SYNPR: variants seen among roughly 807,000 people sequenced by gnomAD.
The protein encoded by SYNPR is synaptoporin.
A neutral mutation model predicts 32.9 loss-of-function variants in SYNPR; 23 were observed. That is an observed-to-expected ratio of 0.70 (90% CI 0.50 to 0.99). The LOEUF (loss-of-function observed/expected upper bound fraction) is 0.99, where lower values mean the gene tolerates loss of function less well. Ranked by LOEUF, SYNPR falls within the 50% of genes least tolerant of loss-of-function variation. SYNPR has a pLI of 0.00. For missense variants in SYNPR, 318 were observed against 349.3 expected, an observed-to-expected ratio of 0.91 and a Z score of 0.71; for synonymous variants, 146 against 135.9, an observed-to-expected ratio of 1.07 and a Z score of -0.52.
the SYNPR span, among the ~76,000 whole-genome samples, chr3:63,219,261 A>G: frequency 1.3e-5 from 2 of 152,196 alleles, no homozygotes; most frequent in Non-Finnish European, 2.9e-5. Flanking sequence ...CAATGTTGTA[A>G]GTCTGCGAGC....
At chr3:63,588,199 T>C (rs1177532002) in intron 4 of SYNPR, among the ~76,000 whole-genome samples, 2 of 152,124 alleles carry the variant, frequency 1.3e-5, no homozygotes, top group Non-Finnish European at 2.9e-5. Context: ...CGTCTTGGAA[T>C]ACACCTTCAC....
chr3:63,433,410 G>A (rs1700025570), intron 2 of SYNPR, among the ~76,000 whole-genome samples: 1 of 152,166 alleles, frequency 6.6e-6, no homozygotes, highest in South Asian at 2.1e-4. Flanking sequence ...AAAAATAGAG[G>A]CACAGCTGAA....
intron 2 of SYNPR, among the ~76,000 whole-genome samples, chr3:63,379,295 T>C (rs2087935033): frequency 6.6e-6 from 1 of 152,178 alleles, no homozygotes; most frequent in East Asian, 1.9e-4. Flanking sequence ...TATTCTGCTG[T>C]CGTTTGGTGA....
At chr3:63,418,186 T>C (rs2088565863) in intron 2 of SYNPR, among the ~76,000 whole-genome samples, 1 of 152,182 alleles carries the variant, frequency 6.6e-6, no homozygotes, top group Admixed American at 6.5e-5. Context: ...AAGTTCAAAG[T>C]TCCACAAATC....
intron 3 of SYNPR, among the ~76,000 whole-genome samples, chr3:63,272,833 C>A (rs781372965): frequency 1.3e-5 from 2 of 152,112 alleles, no homozygotes; most frequent in Non-Finnish European, 2.9e-5. Context: ...AAGCCTTCTT[C>A]CTTGGCATAC....
chr3:63,309,665 G>C (rs921806873), intron 2 of SYNPR, among the ~76,000 whole-genome samples: 2 of 151,918 alleles, frequency 1.3e-5, no homozygotes, highest in South Asian at 2.1e-4. Context: ...CCCCAGCCCT[G>C]TGTGAGCATC....
intron 3 of SYNPR, 110 bp downstream of exon 3, chr3:63,481,066 G>T: frequency 7.0e-7 from 1 of 1,431,872 alleles, no homozygotes; most frequent in East Asian, 2.4e-5. Flanking sequence ...TAAACAGAAA[G>T]TATTCTGCCT....
At chr3:63,464,227 AC>A (rs1472710543) in intron 2 of SYNPR, among the ~76,000 whole-genome samples, 4 of 151,888 alleles carry the variant, frequency 2.6e-5, no homozygotes, top group Non-Finnish European at 5.9e-5. Context: ...TTTTTAACTT[AC>A]CTCTACTGCC....
the SYNPR span, among the ~76,000 whole-genome samples, chr3:63,220,255 A>C: frequency 6.6e-6 from 1 of 152,216 alleles, no homozygotes; most frequent in East Asian, 1.9e-4. Context: ...AAGAAAGAAA[A>C]ACAGTCAACA....
intron 3 of SYNPR, among the ~76,000 whole-genome samples, chr3:63,528,371 C>A (rs1702053919): frequency 6.6e-6 from 1 of 152,178 alleles, no homozygotes; most frequent in African/African-American, 2.4e-5. Context: ...GAGGGCCATG[C>A]AATATGCAAC....
intron 3 of SYNPR, among the ~76,000 whole-genome samples, chr3:63,490,042 G>C (rs1701230479): frequency 2.0e-5 from 3 of 152,156 alleles, no homozygotes; most frequent in African/African-American, 7.2e-5. Context: ...AAGGTTAAGG[G>C]ATAAAGAGAG....
intron 3 of SYNPR, among the ~76,000 whole-genome samples, chr3:63,500,386 C>T (rs1186738362): frequency 2.6e-5 from 4 of 152,036 alleles, no homozygotes; most frequent in Non-Finnish European, 5.9e-5. Context: ...TTGGACTTGC[C>T]TCCCTCACCG....
At chr3:63,283,550 A>G (rs116244677) in intron 2 of SYNPR, among the ~76,000 whole-genome samples, 3,127 of 152,002 alleles carry the variant, frequency 0.021, 139 homozygotes, top group African/African-American at 0.071. Context: ...CAAAATGTAT[A>G]TATTAAACTT....
chr3:63,368,558 T>A (rs1005950224), intron 2 of SYNPR, among the ~76,000 whole-genome samples: 1 of 152,064 alleles, frequency 6.6e-6, no homozygotes, highest in Non-Finnish European at 1.5e-5. Context: ...TTCTTAAGAT[T>A]AATGGGGAAG....
At chr3:63,407,625 T>C (rs142507487) in intron 2 of SYNPR, among the ~76,000 whole-genome samples, 1 of 152,308 alleles carries the variant, frequency 6.6e-6, no homozygotes, top group Non-Finnish European at 1.5e-5. Context: ...GCCTTCTTTG[T>C]AATCATATAT....
intron 2 of SYNPR, among the ~76,000 whole-genome samples, chr3:63,254,801 T>C (rs867399449): frequency 1.3e-5 from 2 of 152,176 alleles, no homozygotes; most frequent in East Asian, 3.9e-4. Flanking sequence ...AATTAAGTTA[T>C]GTATAATTTA....
rs541285084 is a variant in SYNPR at position 63,438,646 on chromosome 3, A to G, written c.85-42186A>G. Among the ~76,000 whole-genome samples the G allele has an allele frequency of 1.0e-3, 155 of 152,350 alleles. 1 individual carries two copies. The highest frequency in any genetic ancestry group is 9.3e-3 in the South Asian group (45 of 4,824). ...TCTTACAAGGAAAATAAAAGATAAG[A>G]GGTCTAGAAAGTTCTGCTCTGATTC... is the stretch of plus-strand genomic sequence containing the variant. On this transcript the variant is annotated intron_variant, in intron 2 of 5. Coordinates refer to ENST00000478300, the MANE Select transcript of SYNPR (RefSeq NM_001130003.2).
At chr3:63,410,736 C>T (rs1212191358) in intron 2 of SYNPR, among the ~76,000 whole-genome samples, 1 of 152,168 alleles carries the variant, frequency 6.6e-6, no homozygotes, top group Non-Finnish European at 1.5e-5. Flanking sequence ...ATCAGGTTCA[C>T]CCCCACTAGA....
At chr3:63,354,791 C>T (rs1560202692) in intron 2 of SYNPR, among the ~76,000 whole-genome samples, 1 of 152,196 alleles carries the variant, frequency 6.6e-6, no homozygotes, top group Non-Finnish European at 1.5e-5. Flanking sequence ...TGATCATTTG[C>T]ATCTTCAGGC....
Sources: gnomAD v4.1 joint callset for allele counts (sites outside exome capture counted in the v4.1 genomes callset) on GRCh38, gnomAD v4.1.1 for gene constraint, MANE v1.5 for transcripts, NCBI Gene and HGNC (gene_info 2026-07-23, HGNC 2026-07-21) for gene names.